Variants in KCNN2 observed in about 807,000 individuals in gnomAD.
KCNN2 encodes small conductance calcium-activated potassium channel protein 2.
Under a neutral mutation model 55.5 loss-of-function variants are expected in KCNN2, and 24 were observed. The observed-to-expected ratio is 0.43, with a 90% CI of 0.31 to 0.61. KCNN2 has a LOEUF of 0.61. KCNN2 is among the 20% of genes least tolerant of loss of function. The probability of loss-of-function intolerance (pLI) is 0.08; values close to 1 mark genes in which losing one functional copy is unlikely to be tolerated. For missense variants in KCNN2, 754 were observed against 853.6 expected (o/e 0.88, Z 1.45); for synonymous variants, 431 against 336.1 (o/e 1.28, Z -3.09).
At chr5:114,373,643 TATA>T (rs1343352531) in intron 2 of KCNN2, among the ~76,000 whole-genome samples, 1 of 101,422 alleles carries the variant, frequency 9.9e-6, no homozygotes, top group African/African-American at 3.3e-5. Flanking sequence ...GAAGATTTTA[TATA>T]TATATATATA....
chr5:114,312,936 C>T (rs1031212273), intron 2 of KCNN2, among the ~76,000 whole-genome samples: 1 of 152,090 alleles, frequency 6.6e-6, no homozygotes. Flanking sequence ...TAGTTAATTA[C>T]ATTTTAAGCT....
chr5:114,432,990 G>A (rs926993958), intron 3 of KCNN2, among the ~76,000 whole-genome samples: 6 of 152,210 alleles, frequency 3.9e-5, no homozygotes, highest in South Asian at 2.1e-4. Context: ...CTGTGCGGCC[G>A]GAGCCTCCCT....
At chr5:114,318,560 GATA>G (rs1345959336) in intron 2 of KCNN2, among the ~76,000 whole-genome samples, 15 of 151,178 alleles carry the variant, frequency 9.9e-5, no homozygotes, top group African/African-American at 2.9e-4. Flanking sequence ...TCATAACAAT[GATA>G]ATATCATAAT....
chr5:114,443,841 C>T (rs1272416196), intron 3 of KCNN2, among the ~76,000 whole-genome samples: 1 of 152,198 alleles, frequency 6.6e-6, no homozygotes, highest in Non-Finnish European at 1.5e-5. Flanking sequence ...TCTGGGTTAT[C>T]ACTCTTCTCT....
intron 2 of KCNN2, among the ~76,000 whole-genome samples, chr5:114,222,786 G>T (rs1754166966): frequency 1.3e-5 from 2 of 152,250 alleles, no homozygotes; most frequent in South Asian, 2.1e-4. Flanking sequence ...GCCTTCACTT[G>T]GTACTTCCTA....
upstream of KCNN2, among the ~76,000 whole-genome samples, chr5:114,361,697 G>A (rs1208658219): frequency 2.0e-5 from 3 of 152,278 alleles, no homozygotes; most frequent in East Asian, 5.8e-4. Context: ...CAGGTGATCC[G>A]GGCAGCGCGT....
At chr5:114,119,901 A>G (rs1751791847) in intron 1 of KCNN2, among the ~76,000 whole-genome samples, 1 of 152,178 alleles carries the variant, frequency 6.6e-6, no homozygotes, top group Non-Finnish European at 1.5e-5. Flanking sequence ...ATAGGTTTTG[A>G]GGACAATTGA....
At chr5:114,195,300 T>C (rs1032581120) in intron 1 of KCNN2, among the ~76,000 whole-genome samples, 1 of 152,012 alleles carries the variant, frequency 6.6e-6, no homozygotes, top group African/African-American at 2.4e-5. Context: ...CTGAACAATA[T>C]TTTATTTTCT....
At chr5:114,378,806 T>C (rs1266589219) in intron 2 of KCNN2, among the ~76,000 whole-genome samples, 1 of 152,164 alleles carries the variant, frequency 6.6e-6, no homozygotes, top group Non-Finnish European at 1.5e-5. Flanking sequence ...GCCTCAATCA[T>C]GAAGTGAGAC....
At chr5:114,117,610 T>C (rs574720062) in intron 1 of KCNN2, among the ~76,000 whole-genome samples, 1 of 152,144 alleles carries the variant, frequency 6.6e-6, no homozygotes, top group African/African-American at 2.4e-5. Flanking sequence ...AGAAGAGAGA[T>C]AGCTCAAGAG....
intron 6 of KCNN2, among the ~76,000 whole-genome samples, chr5:114,488,587 C>T (rs1747689168): frequency 6.6e-6 from 1 of 152,082 alleles, no homozygotes; most frequent in Admixed American, 6.6e-5. Flanking sequence ...ATCTTGATTC[C>T]TTGAAGTTTA....
At chr5:114,408,705 C>T (rs1324226695) in intron 3 of KCNN2, among the ~76,000 whole-genome samples, 1 of 152,142 alleles carries the variant, frequency 6.6e-6, no homozygotes, top group Non-Finnish European at 1.5e-5. Flanking sequence ...CATGGGTGGT[C>T]TCTAGTGCAT....
chr5:114,161,379 T>C (rs1372358001), intron 1 of KCNN2, among the ~76,000 whole-genome samples: 2 of 138,878 alleles, frequency 1.4e-5, no homozygotes, highest in Admixed American at 1.5e-4. Context: ...CAGCTGTTAG[T>C]CTGATGGGCT....
intron 2 of KCNN2, among the ~76,000 whole-genome samples, chr5:114,336,555 T>C (rs1431628413): frequency 6.6e-6 from 1 of 152,200 alleles, no homozygotes. Context: ...CTCACAAGCC[T>C]TGCATTCTAG....
intron 2 of KCNN2, among the ~76,000 whole-genome samples, chr5:114,329,517 G>A (rs1756770407): frequency 1.3e-5 from 2 of 152,154 alleles, no homozygotes; most frequent in South Asian, 4.1e-4. Context: ...TCAGCTTTTG[G>A]ACTGTTGGAC....
Position 114,328,138 on chromosome 5 carries a change from C to T in KCNN2, c.-184-32807C>T, listed in dbSNP as rs145815878. Among the ~76,000 whole-genome samples the T allele has an allele frequency of 8.3e-4, 127 of 152,228 alleles. 1 individual carries two copies. The highest frequency in any genetic ancestry group is 1.9e-3 in the African/African-American group (77 of 41,540). ...ACTGTCATGTAAAAGTCAATTTATGCGTGGGTGGCTTTTGTTTTTTTGGTG... is the reference window on the plus strand; with the variant it reads ...ACTGTCATGTAAAAGTCAATTTATGTGTGGGTGGCTTTTGTTTTTTTGGTG... On this transcript the variant is annotated intron_variant, in intron 2 of 10. Coordinates refer to the KCNN2 transcript ENST00000512097.
chr5:114,085,351 T>A (rs2112546541), intron 1 of KCNN2, among the ~76,000 whole-genome samples: 2 of 152,122 alleles, frequency 1.3e-5, no homozygotes, highest in South Asian at 4.1e-4. Flanking sequence ...AATTAATTTA[T>A]ATCTTTAATT....
Position 114,240,033 on chromosome 5 carries a change from C to T in KCNN2, c.-185+18468C>T, listed in dbSNP as rs556047596. ...ACCTTCCCAGTTCATTTTAAGAAAC[C>T]GCCATAAGTTTAACATGAAAACTGT... On this transcript the variant is annotated intron_variant, in intron 2 of 10. Coordinates refer to the KCNN2 transcript ENST00000512097. 9.2e-5 allele frequency among the ~76,000 whole-genome samples: 14 copies of T among 151,978 alleles called. No individual in the cohort carries two copies. The East Asian group carries it at 2.3e-3, about 25-fold the overall frequency.
intron 2 of KCNN2, among the ~76,000 whole-genome samples, chr5:114,366,434 C>T (rs535101030): frequency 9.9e-5 from 15 of 152,068 alleles, no homozygotes; most frequent in Non-Finnish European, 1.5e-4. Flanking sequence ...CTTTTTTACT[C>T]GGTGTATTAT....
Sources: gnomAD v4.1 joint callset for allele counts (sites outside exome capture counted in the v4.1 genomes callset) on GRCh38, gnomAD v4.1.1 for gene constraint, MANE v1.5 for transcripts, NCBI Gene and HGNC (gene_info 2026-07-23, HGNC 2026-07-21) for gene names.